Variants in ANAPC4 observed in about 807,000 individuals in gnomAD.
The protein encoded by ANAPC4 is anaphase-promoting complex subunit 4.
A neutral mutation model predicts 119.8 loss-of-function variants in ANAPC4; 63 were observed. The ratio of observed to expected loss-of-function variants is 0.53; its 90% CI spans 0.43 to 0.65. ANAPC4 has a LOEUF of 0.65. Ranked by LOEUF, ANAPC4 falls within the 30% of genes least tolerant of loss-of-function variation. ANAPC4 has a pLI of 0.00. For missense variants in ANAPC4, 716 were observed against 945.1 expected (o/e 0.76, Z 3.18); for synonymous variants, 283 against 318.6 (o/e 0.89, Z 1.19).
chr4:25,413,393 C>A, intron 21 of ANAPC4: 1 of 341,526 alleles, frequency 2.9e-6, no homozygotes, highest in Non-Finnish European at 5.3e-6. Flanking sequence ...CAGAAACCTA[C>A]AGTTGGATTT....
At chr4:25,382,653 C>T (rs1170802167) in intron 3 of ANAPC4, among the ~76,000 whole-genome samples, 1 of 152,208 alleles carries the variant, frequency 6.6e-6, no homozygotes, top group East Asian at 1.9e-4. Flanking sequence ...GATTGGTTCA[C>T]ATCTGGCAAA....
chr4:25,380,921 TG>T (rs1721679788), intron 3 of ANAPC4, among the ~76,000 whole-genome samples: 1 of 152,222 alleles, frequency 6.6e-6, no homozygotes, highest in East Asian at 1.9e-4. Context: ...TTGCCTCACC[TG>T]GGGGACTATC....
chr4:25,416,679 G>A (rs969270825), intron 27 of ANAPC4, 81 bp downstream of exon 27: 6 of 1,150,902 alleles, frequency 5.2e-6, no homozygotes, highest in Non-Finnish European at 7.0e-6. Context: ...TTTTAGGTAC[G>A]CTAGATAATG....
intron 2 of ANAPC4, among the ~76,000 whole-genome samples, chr4:25,378,543 A>C (rs779578091): frequency 6.6e-6 from 1 of 152,228 alleles, no homozygotes; most frequent in Non-Finnish European, 1.5e-5. Context: ...GTAGGAGGGA[A>C]GGTAGACGGG....
In ANAPC4 at chr4:25,405,297, A is replaced by G. The variant is rs1206812231; in HGVS notation, c.1271-276A>G. Among the ~76,000 whole-genome samples, 3 of 152,152 alleles carry G rather than the reference A, an allele frequency of 2.0e-5. No individual in the cohort carries two copies. Among genetic ancestry groups the G allele is most frequent in the Non-Finnish European group, 2.9e-5 (2 of 68,024 alleles). On this transcript the variant is annotated intron_variant, in intron 17 of 28. Coordinates refer to ENST00000315368, the MANE Select transcript of ANAPC4 (RefSeq NM_013367.3). The surrounding 1 kb of genome is among the most constrained non-coding windows in gnomAD (Gnocchi z 4.6). ...TTACACACGTAGTCTTAGCACAGACAGCAGTTAGATTTGTCTGGCGTGGCA... is the reference window on the plus strand; with the variant it reads ...TTACACACGTAGTCTTAGCACAGACGGCAGTTAGATTTGTCTGGCGTGGCA...
chr4:25,404,492 C>T (rs761303052), intron 17 of ANAPC4, among the ~76,000 whole-genome samples: 1 of 152,112 alleles, frequency 6.6e-6, no homozygotes, highest in Non-Finnish European at 1.5e-5. Flanking sequence ...ACTACACATT[C>T]TAACTGTAGT....
At chr4:25,378,010 A>C (rs1441744919) in intron 2 of ANAPC4, among the ~76,000 whole-genome samples, 3 of 152,224 alleles carry the variant, frequency 2.0e-5, no homozygotes, top group African/African-American at 7.2e-5. Flanking sequence ...ATGTGCCTGC[A>C]TGTAGCTGCC....
intron 21 of ANAPC4, among the ~76,000 whole-genome samples, chr4:25,411,768 C>G (rs1203966940): frequency 6.6e-6 from 1 of 152,152 alleles, no homozygotes; most frequent in African/African-American, 2.4e-5. Context: ...TGGCACTTAG[C>G]ACAGAAGCAG....
intron 14 of ANAPC4, 32 bp downstream of exon 14, chr4:25,394,937 G>T: frequency 6.5e-7 from 1 of 1,535,770 alleles, no homozygotes; most frequent in East Asian, 2.3e-5. Context: ...TTTTGGTATT[G>T]TATCCACACA....
chr4:25,393,544 A>T (rs1341388547), intron 10 of ANAPC4, among the ~76,000 whole-genome samples: 2 of 152,000 alleles, frequency 1.3e-5, no homozygotes, highest in Non-Finnish European at 2.9e-5. Flanking sequence ...CGCATATAAT[A>T]CCAGCTACTT....
At chr4:25,386,146 C>T (rs1722021193) in intron 4 of ANAPC4, among the ~76,000 whole-genome samples, 1 of 152,042 alleles carries the variant, frequency 6.6e-6, no homozygotes. Flanking sequence ...CTTCCGACCT[C>T]AGGTAACCCG....
chr4:25,413,449 G>T (rs1171506329), intron 21 of ANAPC4, 196 bp from the exon 22 acceptor site: 1 of 474,520 alleles, frequency 2.1e-6, no homozygotes, highest in Non-Finnish European at 3.7e-6. Context: ...TTAGTGAGCT[G>T]TCAGCGGGGG....
intron 17 of ANAPC4, among the ~76,000 whole-genome samples, chr4:25,403,371 TGCTAGAA>T (rs1423642302): frequency 6.6e-6 from 1 of 152,122 alleles, no homozygotes; most frequent in Non-Finnish European, 1.5e-5. Flanking sequence ...TTTTTCCTTG[TGCTAGAA>T]ACATTCCTCA....
At chr4:25,378,866 AC>A (rs1721558421) in intron 2 of ANAPC4, among the ~76,000 whole-genome samples, 1 of 152,176 alleles carries the variant, frequency 6.6e-6, no homozygotes, top group African/African-American at 2.4e-5. Flanking sequence ...GTTGGGTTTA[AC>A]CAGGATTGTC....
At chr4:25,410,188 G>T (rs778445234) in intron 21 of ANAPC4, among the ~76,000 whole-genome samples, 7 of 152,180 alleles carry the variant, frequency 4.6e-5, no homozygotes, top group Non-Finnish European at 1.0e-4. Flanking sequence ...TGGTGTGTGT[G>T]TGTGTGCATG....
In ANAPC4 at chr4:25,390,918, G is replaced by T; in HGVS notation, c.608G>T (p.Gly203Val). Residue 203 changes from glycine (G) to valine (V), a missense_variant, in exon 9 of 29, where the codon GGT becomes GTT. Gly to Val is a moderately radical substitution (Grantham distance 109). Around this residue, in one of 3 missense-constraint regions of ANAPC4, gnomAD observed 202 missense variants for 293.5 expected, o/e 0.69. Coordinates refer to ENST00000315368, the MANE Select transcript of ANAPC4 (RefSeq NM_013367.3). ...FKIARVTGIA[G>V]TCLALCLSSD... ...GGTTTGACTCTTTTACAGATTGCTG[G>T]TACTTGTCTTGCATTATGTTTATCA... The T allele has an allele frequency of 6.2e-7, 1 of 1,612,280 alleles. No homozygotes were observed. The highest frequency in any genetic ancestry group is 8.5e-7 in the Non-Finnish European group (1 of 1,178,580).
chr4:25,390,058 T>C, intron 7 of ANAPC4, 78 bp from the exon 8 acceptor site: 1 of 1,002,694 alleles, frequency 1.0e-6, no homozygotes, highest in Admixed American at 2.1e-5. Context: ...AAAGCAGTAA[T>C]AATTTATATC....
At chr4:25,413,215 G>A (rs958817826) in intron 21 of ANAPC4, 2 of 153,112 alleles carry the variant, frequency 1.3e-5, no homozygotes, top group African/African-American at 4.8e-5. Flanking sequence ...CTTTTAAAAA[G>A]TAAAGAGCTT....
intron 16 of ANAPC4, among the ~76,000 whole-genome samples, chr4:25,400,496 A>G (rs1722908041): frequency 6.6e-6 from 1 of 152,086 alleles, no homozygotes; most frequent in Admixed American, 6.5e-5. Flanking sequence ...GCGGTGTTGG[A>G]GGTTTAAGAA....
Sources: gnomAD v4.1 joint callset for allele counts (sites outside exome capture counted in the v4.1 genomes callset) on GRCh38, gnomAD v4.1.1 for gene constraint, gnomAD v4.1.1 regional missense constraint, Gnocchi (gnomAD v3.1) non-coding constraint, MANE v1.5 for transcripts, NCBI Gene and HGNC (gene_info 2026-07-23, HGNC 2026-07-21) for gene names.